Variants in CHAF1A observed in about 807,000 individuals in gnomAD.
The protein encoded by CHAF1A is chromatin assembly factor 1 subunit A.
CHAF1A carries 5 observed loss-of-function variants against 93.2 expected under a neutral mutation model. The ratio of observed to expected loss-of-function variants is 0.05; its 90% confidence interval spans 0.03 to 0.11. CHAF1A has a LOEUF of 0.11. CHAF1A is among the 10% of genes least tolerant of loss of function. The pLI is 1.00. For missense variants in CHAF1A, 1,102 were observed against 1,259.9 expected, an observed-to-expected ratio of 0.87 and a Z score of 1.90; for synonymous variants, 504 against 510.3, an observed-to-expected ratio of 0.99 and a Z score of 0.17.
At chr19:4,448,327 G>T, downstream of CHAF1A, 1 of 1,606,812 alleles carries the variant, frequency 6.2e-7, no homozygotes, top group Non-Finnish European at 8.5e-7. Context: ...CTTGGCAATG[G>T]TGTCCACACC....
downstream of CHAF1A, chr19:4,446,464 C>T (rs1027346136): frequency 6.9e-6 from 11 of 1,587,352 alleles, no homozygotes; most frequent in African/African-American, 1.2e-4. Context: ...TTCCACCCCG[C>T]CCCGCCCCAC....
At position 4,421,247 on chromosome 19, in the gene CHAF1A, TA is replaced by T. The variant is rs1220691843; in HGVS notation, c.1018-1318del. 2.0e-5 allele frequency among the ~76,000 whole-genome samples: 3 copies of T among 152,104 alleles called. No individual in the cohort carries two copies. In the East Asian group the frequency reaches 5.9e-4, roughly 30 times the overall value. ...CCACCACATTCAGCTAATTTTTTTG[TA>T]TTTTTGGTAGACTTGGGGTTTCACC... On this transcript the variant is annotated intron_variant, in intron 4 of 14. Transcript: ENST00000301280.
intron 8 of CHAF1A, chr19:4,429,142 GA>G: frequency 1.7e-6 from 1 of 592,058 alleles, no homozygotes; most frequent in Non-Finnish European, 3.0e-6. Flanking sequence ...TCCAGTGAAG[GA>G]TACCCCCCAA....
chr19:4,429,406 C>T (rs899034748), intron 8 of CHAF1A, 32 bp from the exon 9 acceptor site: 11 of 1,608,126 alleles, frequency 6.8e-6, no homozygotes, highest in Admixed American at 3.4e-5. Context: ...TGTAAGGCAG[C>T]GTGATCCTGA....
downstream of CHAF1A, chr19:4,445,655 C>T (rs773811236): frequency 1.3e-5 from 21 of 1,597,528 alleles, no homozygotes; most frequent in Admixed American, 5.1e-5. Context: ...ACTCTGAGAC[C>T]GAGAGTCGGC....
chr19:4,410,246 A>G (rs2145073033), intron 3 of CHAF1A, among the ~76,000 whole-genome samples: 1 of 152,232 alleles, frequency 6.6e-6, no homozygotes, highest in East Asian at 1.9e-4. Context: ...CAGCCATCTT[A>G]AAAACCTTAC....
intron 8 of CHAF1A, 165 bp downstream of exon 8, chr19:4,429,055 C>T: frequency 1.6e-6 from 1 of 615,512 alleles, no homozygotes; most frequent in Non-Finnish European, 2.9e-6. Context: ...TCCACCTGGC[C>T]TTCCTGTAAG....
At chr19:4,406,539 A>G (rs1329225393) in intron 2 of CHAF1A, among the ~76,000 whole-genome samples, 2 of 151,432 alleles carry the variant, frequency 1.3e-5, no homozygotes, top group African/African-American at 2.4e-5. Context: ...GGTTCAAGCA[A>G]TTCTCCTCCT....
At position 4,422,527 on chromosome 19, in the gene CHAF1A, G is replaced by A. The variant is rs1974008542; in HGVS notation, c.1018-39G>A. On this transcript the variant is annotated intron_variant, in intron 4 of 14. Coordinates refer to ENST00000301280, the MANE Select transcript of CHAF1A (RefSeq NM_005483.3). This position sits in a 1 kb window ranked among gnomAD's most constrained non-coding sequence, Gnocchi z 4.6. ...GAACCGAGCTTCCTCCTGGGAGTTG[G>A]AGGGAGGGCCACCTGTCACTTGCCA... 1 of 1,539,684 alleles carries A rather than the reference G, an allele frequency of 6.5e-7. No homozygotes were observed. The highest frequency in any genetic ancestry group is 1.2e-5 in the South Asian group (1 of 83,584).
downstream of CHAF1A, chr19:4,445,551 G>A (rs1974489766): frequency 2.5e-6 from 4 of 1,613,882 alleles, no homozygotes; most frequent in East Asian, 4.5e-5. Context: ...ATGGAGTCCG[G>A]CTCGGCCCCC....
chr19:4,445,454 G>A (rs1423919064), downstream of CHAF1A: 1 of 1,612,146 alleles, frequency 6.2e-7, no homozygotes, highest in South Asian at 1.1e-5. Context: ...AACAGGGAGA[G>A]CATGAGACAG....
intron 3 of CHAF1A, among the ~76,000 whole-genome samples, chr19:4,413,028 G>A (rs1973834695): frequency 6.6e-6 from 1 of 152,062 alleles, no homozygotes; most frequent in African/African-American, 2.4e-5. Context: ...CTGCATTTCT[G>A]GTTTGGTTGG....
Position 4,429,747 on chromosome 19 carries a change from G to A in CHAF1A, c.1813G>A (p.Glu605Lys). ...TGAGGTGGACAGTGATGAGGAGTGG[G>A]AAGAAGAGGAGCCTGGGGAGTCCCT... ...DYEVDSDEEW[E>K]EEEPGESLSH... Residue 605 changes from glutamate (E) to lysine (K), a missense_variant, in exon 10 of 15, where the codon GAA becomes AAA. Physicochemically the swap from Glu to Lys is moderately conservative, Grantham distance 56. This residue lies in a region of CHAF1A where 335 missense variants were observed against 361.9 expected (regional missense o/e 0.93). Coordinates refer to ENST00000301280, the MANE Select transcript of CHAF1A (RefSeq NM_005483.3). 1.2e-6 allele frequency: 2 copies of A among 1,614,058 alleles called. No individual in the cohort carries two copies. The highest frequency in any genetic ancestry group is 1.7e-6 in the Non-Finnish European group (2 of 1,179,996).
At chr19:4,417,946 C>A in intron 3 of CHAF1A, 74 bp from the exon 4 acceptor site, 1 of 1,082,106 alleles carries the variant, frequency 9.2e-7, no homozygotes, top group South Asian at 1.4e-5. Context: ...AAACTGATCA[C>A]CTGGAAAGGT....
At chr19:4,446,742 T>G (rs1599673850), downstream of CHAF1A, 1 of 1,609,288 alleles carries the variant, frequency 6.2e-7, no homozygotes. Context: ...AGGACATGGG[T>G]GTCACTGTGC....
chr19:4,436,881 C>G (rs974326060), intron 13 of CHAF1A, among the ~76,000 whole-genome samples: 1 of 152,182 alleles, frequency 6.6e-6, no homozygotes, highest in Non-Finnish European at 1.5e-5. Context: ...GCCCTGAGCC[C>G]CATGTGCCCA....
intron 3 of CHAF1A, 59 bp downstream of exon 3, chr19:4,409,818 A>G: frequency 2.0e-6 from 3 of 1,534,490 alleles, no homozygotes; most frequent in African/African-American, 2.7e-5. Context: ...GAGCGCTGTC[A>G]GTCTCCACTG....
chr19:4,403,843 G>C (rs1035457922), intron 1 of CHAF1A, among the ~76,000 whole-genome samples: 3 of 152,214 alleles, frequency 2.0e-5, no homozygotes, highest in Admixed American at 1.3e-4. Flanking sequence ...TTTTAAGTCA[G>C]GATGTTTAAC....
chr19:4,410,232 C>T (rs1973768646), intron 3 of CHAF1A, among the ~76,000 whole-genome samples: 1 of 152,054 alleles, frequency 6.6e-6, no homozygotes, highest in African/African-American at 2.4e-5. Flanking sequence ...AGGGTCAGCA[C>T]AGCCAGCCAT....
Sources: gnomAD v4.1 joint callset for allele counts (sites outside exome capture counted in the v4.1 genomes callset) on GRCh38, gnomAD v4.1.1 for gene constraint, gnomAD v4.1.1 regional missense constraint, Gnocchi (gnomAD v3.1) non-coding constraint, MANE v1.5 for transcripts, NCBI Gene and HGNC (gene_info 2026-07-23, HGNC 2026-07-21) for gene names.